ATG10: variants seen among roughly 807,000 people sequenced by gnomAD.
ATG10 encodes ubiquitin-like-conjugating enzyme ATG10.
Under a neutral mutation model 32.1 loss-of-function variants are expected in ATG10, and 30 were observed. That is an observed-to-expected ratio of 0.94 (90% CI 0.70 to 1.27). The LOEUF (loss-of-function observed/expected upper bound fraction) is 1.27, where lower values mean the gene tolerates loss of function less well. ATG10 is among the 50% of genes most tolerant of loss of function. ATG10 has a pLI of 0.00. For missense variants in ATG10, 233 were observed against 262.3 expected (o/e 0.89, Z 0.77); for synonymous variants, 87 against 91.5 (o/e 0.95, Z 0.28).
At chr5:82,244,062 G>A (rs1746919384) in intron 5 of ATG10, among the ~76,000 whole-genome samples, 1 of 152,082 alleles carries the variant, frequency 6.6e-6, no homozygotes. Flanking sequence ...TGAATAACAA[G>A]CAACTGAAAG....
chr5:82,016,542 G>A (rs1762291342), intron 2 of ATG10, among the ~76,000 whole-genome samples: 1 of 152,086 alleles, frequency 6.6e-6, no homozygotes, highest in Non-Finnish European at 1.5e-5. Flanking sequence ...TTTCTGTTTA[G>A]TCTTGCTTTA....
chr5:81,989,377 C>T (rs1196546494), intron 2 of ATG10, among the ~76,000 whole-genome samples: 1 of 152,038 alleles, frequency 6.6e-6, no homozygotes, highest in Admixed American at 6.6e-5. Context: ...GCCATGATTT[C>T]CTCTTGGGTC....
intron 3 of ATG10, among the ~76,000 whole-genome samples, chr5:82,132,430 G>A (rs554371654): frequency 1.7e-4 from 9 of 51,878 alleles, no homozygotes; most frequent in South Asian, 1.4e-3. Context: ...ACAGGCCCCC[G>A]TGTGTGATGT....
intron 5 of ATG10, among the ~76,000 whole-genome samples, chr5:82,190,872 T>G (rs1198403520): frequency 2.0e-5 from 3 of 151,742 alleles, no homozygotes; most frequent in African/African-American, 7.3e-5. Context: ...GAACACTGAG[T>G]TTTTTAAAAA....
chr5:82,045,528 A>G (rs566872311), intron 2 of ATG10, among the ~76,000 whole-genome samples: 11 of 152,220 alleles, frequency 7.2e-5, no homozygotes, highest in African/African-American at 2.2e-4. Context: ...GTTCTGTTGT[A>G]TGCTTCTGTC....
At chr5:82,104,720 A>T (rs919377072) in intron 3 of ATG10, among the ~76,000 whole-genome samples, 3 of 152,242 alleles carry the variant, frequency 2.0e-5, no homozygotes, top group African/African-American at 7.2e-5. Flanking sequence ...TCCAGCAAGG[A>T]TCTGATAAAT....
chr5:82,037,000 G>A (rs1379763554), intron 2 of ATG10, among the ~76,000 whole-genome samples: 1 of 149,784 alleles, frequency 6.7e-6, no homozygotes, highest in Non-Finnish European at 1.5e-5. Context: ...GCGTGGTGGT[G>A]TGTGCCTGTA....
intron 3 of ATG10, among the ~76,000 whole-genome samples, chr5:82,138,274 GA>G (rs753024733): frequency 1.3e-5 from 2 of 151,306 alleles, no homozygotes; most frequent in African/African-American, 4.9e-5. Context: ...ACTGGGGTAT[GA>G]AAAAAAAACT....
At chr5:82,027,359 G>A (rs190255259) in intron 2 of ATG10, among the ~76,000 whole-genome samples, 161 of 151,974 alleles carry the variant, frequency 1.1e-3, no homozygotes, top group African/African-American at 3.7e-3. Context: ...TGATTGCGCC[G>A]CTGCACTCTA....
chr5:82,140,054 C>T (rs1460351331), intron 3 of ATG10, among the ~76,000 whole-genome samples: 37 of 136,998 alleles, frequency 2.7e-4, no homozygotes, highest in Non-Finnish European at 5.0e-4. Flanking sequence ...CCGCCCCGTC[C>T]GGGAGGGAGG....
chr5:81,989,181 A>T (rs1396969483), intron 2 of ATG10, among the ~76,000 whole-genome samples: 4 of 152,224 alleles, frequency 2.6e-5, no homozygotes, highest in African/African-American at 9.7e-5. Flanking sequence ...GAGAATAGGT[A>T]AATTTTCTCT....
At chr5:82,129,363 C>A (rs1389561106) in intron 3 of ATG10, among the ~76,000 whole-genome samples, 1 of 151,912 alleles carries the variant, frequency 6.6e-6, no homozygotes, top group Non-Finnish European at 1.5e-5. Flanking sequence ...AAACTCATTC[C>A]ATGTCCAGTT....
intron 3 of ATG10, among the ~76,000 whole-genome samples, chr5:82,069,782 G>A (rs1264837721): frequency 1.3e-5 from 2 of 152,016 alleles, no homozygotes; most frequent in Non-Finnish European, 2.9e-5. Context: ...AAGTGGCCAG[G>A]AATAATTTGT....
In ATG10 at chr5:82,139,734, G is replaced by A. The variant is rs577170377; in HGVS notation, c.217-24665G>A. Among the ~76,000 whole-genome samples, 319 of 130,748 alleles carry A rather than the reference G, an allele frequency of 2.4e-3. 3 individuals are homozygous for A. Among genetic ancestry groups the A allele is most frequent in the African/African-American group, 8.6e-3 (288 of 33,356 alleles). The allele number at this position is 130,748 out of a possible 152,430, so 85.8% of individuals were successfully genotyped here. A position where few individuals can be genotyped will look rare whatever the true frequency, so the allele number is the denominator to read the frequency against. ...GTGGGGGGGGGTCAGCCCCCTGCCC[G>A]GCCAGCCGCCCCGTCCGGGAGGCGA... is the stretch of plus-strand genomic sequence containing the variant. On this transcript the variant is annotated intron_variant, in intron 3 of 7. Transcript: ENST00000282185.
At chr5:82,011,552 A>G (rs1762127908) in intron 2 of ATG10, among the ~76,000 whole-genome samples, 1 of 152,214 alleles carries the variant, frequency 6.6e-6, no homozygotes, top group Non-Finnish European at 1.5e-5. Flanking sequence ...TAAGCACGCA[A>G]AACTCTTGCT....
intron 3 of ATG10, among the ~76,000 whole-genome samples, chr5:82,160,688 G>T (rs1251274759): frequency 6.6e-6 from 1 of 152,022 alleles, no homozygotes. Context: ...GTTTATTTTA[G>T]CCATTCTGAC....
At chr5:82,061,266 C>T (rs1763760351) in intron 3 of ATG10, among the ~76,000 whole-genome samples, 1 of 152,146 alleles carries the variant, frequency 6.6e-6, no homozygotes. Context: ...TGGAAGATTA[C>T]ATATACATAT....
At chr5:82,125,982 A>G (rs1012123015) in intron 3 of ATG10, among the ~76,000 whole-genome samples, 5 of 151,112 alleles carry the variant, frequency 3.3e-5, no homozygotes, top group Admixed American at 6.6e-5. Context: ...CTCCTTGAAG[A>G]GGTCCTTCAC....
chr5:81,972,732 T>C (rs1196212994), intron 1 of ATG10: 1 of 152,192 alleles, frequency 6.6e-6, no homozygotes, highest in Admixed American at 6.5e-5. Flanking sequence ...AGGAATAACT[T>C]GATATTTAGA....
Sources: allele counts gnomAD v4.1 joint callset (sites outside exome capture counted in the v4.1 genomes callset), GRCh38; gene constraint gnomAD v4.1.1; transcripts MANE v1.5; gene names NCBI Gene and HGNC (gene_info 2026-07-23, HGNC 2026-07-21).